CAPN12: variants seen among roughly 807,000 people sequenced by gnomAD.
CAPN12 encodes the protein calpain 12, also known as calpain-12.
A neutral mutation model predicts 95.0 loss-of-function variants in CAPN12; 107 were observed. The observed-to-expected ratio is 1.13, with a 90% CI of 0.96 to 1.32. The LOEUF is 1.32. Among genes scored for constraint, CAPN12 ranks in the 40% most tolerant of loss-of-function variants. The pLI is 0.00. For synonymous variants in CAPN12, 505 were observed against 415.5 expected (o/e 1.22, Z -2.62); for missense variants, 1,136 against 997.8 (o/e 1.14, Z -1.87).
At position 38,736,247 on chromosome 19, in the gene CAPN12, G is replaced by GGGCGAGCGGTC. The variant is rs1970132926; in HGVS notation, c.1435_1445dup (p.Leu483ThrfsTer11). On this transcript the variant is annotated frameshift_variant, in exon 12 of 21. Coordinates refer to ENST00000328867, the MANE Select transcript of CAPN12 (RefSeq NM_144691.4). LOFTEE classifies it high-confidence loss of function. Reference sequence around the variant, plus strand: ...GGGTCACGTCGCGGCGGGCGCTGAGGGGCGAGCGGTCGGCGCGCAGCAGCC... The same window carrying GGGCGAGCGGTC: ...GGGTCACGTCGCGGCGGGCGCTGAGGGGCGAGCGGTCGGCGAGCGGTCGGCGCGCAGCAGCC... 2.0e-6 allele frequency: 3 copies of GGGCGAGCGGTC among 1,480,052 alleles called. No homozygotes were observed. Among genetic ancestry groups the GGGCGAGCGGTC allele is most frequent in the East Asian group, 2.8e-5 (1 of 36,038 alleles). 91.7% of individuals were successfully genotyped at this position (1,480,052 alleles called of 1,614,324 possible). A position where few individuals can be genotyped will look rare whatever the true frequency, so the allele number is the denominator to read the frequency against.
At chr19:38,737,776 C>A (rs1238471373) in intron 8 of CAPN12, 138 bp from the exon 9 acceptor site, 10 of 1,184,224 alleles carry the variant, frequency 8.4e-6, no homozygotes, top group Middle Eastern at 2.1e-4. Flanking sequence ...GAAATGAACC[C>A]CAAATGCCTG....
Position 38,737,253 on chromosome 19 carries a change from G to A in CAPN12, c.1265C>T (p.Pro422Leu), listed in dbSNP as rs772231481. Residue 422 changes from proline to leucine, a missense_variant, in exon 10 of 21, where the codon CCC becomes CTC. Pro to Leu is a moderately conservative substitution (Grantham distance 98, BLOSUM62 -3). Coordinates refer to ENST00000328867, the MANE Select transcript of CAPN12 (RefSeq NM_144691.4). The stretch of plus-strand genomic sequence containing the variant: ...GAGGGACAGAAGGACCGTGCACTTG[G>A]GCGTGCGGCCCCCCCGCGCTGGGCC... ...ARGPARGGRT[P>L]KCTVLLSLIQ... is the part of the protein sequence containing the mutation. The A allele has an allele frequency of 3.2e-6, 5 of 1,549,958 alleles. No homozygotes were observed. The South Asian group carries it at 4.8e-5, about 15-fold the overall frequency.
intron 2 of CAPN12, among the ~76,000 whole-genome samples, 176 bp downstream of exon 2, chr19:38,742,850 CAAAAAAA>C (rs11406594): frequency 3.8e-5 from 2 of 53,306 alleles, no homozygotes; most frequent in Non-Finnish European, 6.1e-5. Context: ...GACCCCATCT[CAAAAAAA>C]AAAAAAAAAA....
chr19:38,736,481 AGGGCAGGTTGACCAAGCCCCAG>A, intron 11 of CAPN12, 49 bp downstream of exon 11: 1 of 467,958 alleles, frequency 2.1e-6, no homozygotes. Context: ...ACCAAGCCCC[AGGGCAGGTTGACCAAGCCCCAG>A]GGCAGGTTGA....
rs778747672 is a variant in CAPN12, at chr19:38,737,579, G to A, written c.1025C>T (p.Pro342Leu). 4.2e-5 allele frequency: 68 copies of A among 1,612,120 alleles called. No individual in the cohort carries two copies. In the Middle Eastern group the frequency reaches 6.6e-4, roughly 16 times the overall value. The change falls in exon 9 of 21, where the codon CCG becomes CTG. Residue 342 changes from proline (P) to leucine (L), a missense_variant. Physicochemically the swap from Pro to Leu is moderately conservative, Grantham distance 98. Transcript: ENST00000328867. ...CTCCGGGCTGGGGCCCAGCACCTCCGGGCTCAGCGAGCAGATCTGCACGGT... is the reference window on the plus strand; with the variant it reads ...CTCCGGGCTGGGGCCCAGCACCTCCAGGCTCAGCGAGCAGATCTGCACGGT... ...FDTVQICSLS[P>L]EVLGPSPEGG...
rs759997563 is a variant in CAPN12 at position 38,731,199 on chromosome 19, G to A, written c.1982C>T (p.Thr661Ile). 3.7e-6 allele frequency: 6 copies of A among 1,612,702 alleles called. No homozygotes were observed. The East Asian group carries it at 1.3e-4, about 36-fold the overall frequency. The change falls in exon 19 of 21, where the codon ACC becomes ATC. Residue 661 changes from threonine to isoleucine, a missense_variant. By Grantham distance (89) the Thr-to-Ile change is moderately conservative. Transcript: ENST00000328867. ...AAGFHLNNQL[T>I]QTLTSRYRDS... ...CCGGTAGCGGCTGGTGAGGGTCTGGGTCAGCTGGTTGTTCAGGTGGAAGCC... is the reference window on the plus strand; with the variant it reads ...CCGGTAGCGGCTGGTGAGGGTCTGGATCAGCTGGTTGTTCAGGTGGAAGCC...
intron 10 of CAPN12, 87 bp from the exon 11 acceptor site, chr19:38,736,650 GCT>G (rs1970194485): frequency 1.4e-6 from 2 of 1,435,072 alleles, no homozygotes; most frequent in Admixed American, 4.3e-5. Context: ...TCACCTCTGT[GCT>G]CTCTCCCTCC....
At position 38,737,319 on chromosome 19, in the gene CAPN12, T is replaced by G; in HGVS notation, c.1199A>C (p.Glu400Ala). The G allele has an allele frequency of 7.7e-7, 1 of 1,291,340 alleles. No homozygotes were observed. Among genetic ancestry groups the G allele is most frequent in the Non-Finnish European group, 1.0e-6 (1 of 983,996 alleles). The allele number at this position is 1,291,340 out of a possible 1,614,324, so 80.0% of individuals were successfully genotyped here. A position where few individuals can be genotyped will look rare whatever the true frequency, so the allele number is the denominator to read the frequency against. The change falls in exon 10 of 21, where the codon GAG becomes GCG. Residue 400 changes from glutamate to alanine, a missense_variant. Glu to Ala is a moderately radical substitution (Grantham distance 107). Transcript: ENST00000328867. ...LEPDEEDDED[E>A]EGPWGGWGAA... Reference sequence around the variant, plus strand: ...CCCCCAGCCCCCCCAGGGCCCTTCCTCATCCTCGTCATCCTCCTCATCAGG... The same window carrying G: ...CCCCCAGCCCCCCCAGGGCCCTTCCGCATCCTCGTCATCCTCCTCATCAGG...
intron 18 of CAPN12, chr19:38,733,103 C>CT (rs1172061885): frequency 0.19 from 26,509 of 136,238 alleles, 2,996 homozygotes; most frequent in Middle Eastern, 0.37. Flanking sequence ...TGTGTACTAG[C>CT]TTTTTTTTTT....
intron 10 of CAPN12, 68 bp from the exon 11 acceptor site, chr19:38,736,631 T>G: frequency 7.3e-7 from 1 of 1,372,418 alleles, no homozygotes; most frequent in Non-Finnish European, 9.9e-7. Flanking sequence ...GTCTCCTCCC[T>G]GCCCCTTCTC....
intron 17 of CAPN12, 141 bp from the exon 18 acceptor site, chr19:38,733,922 G>T: frequency 1.2e-6 from 1 of 807,278 alleles, no homozygotes; most frequent in Non-Finnish European, 2.0e-6. Flanking sequence ...CTAGCCACTT[G>T]GGACTTCTGT....
At position 38,738,270 on chromosome 19, in the gene CAPN12, G is replaced by A. The variant is rs1180399965; in HGVS notation, c.965+3C>T. The A allele has an allele frequency of 5.0e-6, 8 of 1,611,934 alleles. No individual in the cohort carries two copies. Among genetic ancestry groups the A allele is most frequent in the South Asian group, 2.2e-5 (2 of 90,974 alleles). ...GGCAGAGCTGGGACCCTGACGAACT[G>A]ACCAGAACTCGCCATCCTCCTTTTT... is the stretch of plus-strand genomic sequence containing the variant. On this transcript the variant is annotated splice_donor_region_variant and intron_variant, in intron 8 of 20. Coordinates refer to ENST00000328867, the MANE Select transcript of CAPN12 (RefSeq NM_144691.4).
At chr19:38,743,875 C>A in intron 1 of CAPN12, 54 bp downstream of exon 1, 1 of 1,527,568 alleles carries the variant, frequency 6.5e-7, no homozygotes, top group Non-Finnish European at 9.0e-7. Context: ...GGAGTCCATG[C>A]CTCCAGCCCC....
At chr19:38,734,658 G>T in intron 15 of CAPN12, 155 bp downstream of exon 15, 1 of 704,570 alleles carries the variant, frequency 1.4e-6, no homozygotes, top group Non-Finnish European at 2.3e-6. Context: ...GCCCACACAA[G>T]ATCCCCTGCA....
In CAPN12 at chr19:38,738,437, T is replaced by C; in HGVS notation, c.871A>G (p.Thr291Ala). 1 of 1,609,986 alleles carries C rather than the reference T, an allele frequency of 6.2e-7. No homozygotes were observed. The highest frequency in any genetic ancestry group is 8.5e-7 in the Non-Finnish European group (1 of 1,178,206). The change falls in exon 7 of 21, where the codon ACG becomes GCG. Residue 291 changes from threonine to alanine, a missense_variant. Thr to Ala is a moderately conservative substitution (Grantham distance 58). Transcript: ENST00000328867. ...TCCCACCTGTCGCTCCAGGCCCCCG[T>C]CCACTCCACGCAGCCCCATGGGTTC... ...LRNPWGCVEW[T>A]GAWSDSCPRW...
chr19:38,736,339 C>T, intron 11 of CAPN12, 21 bp from the exon 12 acceptor site: 1 of 1,455,462 alleles, frequency 6.9e-7, no homozygotes, highest in Non-Finnish European at 9.1e-7. Flanking sequence ...GGCGGCATGA[C>T]CACGGACCAG....
At chr19:38,740,971 C>T (rs1970512502) in intron 4 of CAPN12, among the ~76,000 whole-genome samples, 1 of 151,998 alleles carries the variant, frequency 6.6e-6, no homozygotes, top group Admixed American at 6.6e-5. Flanking sequence ...AACCTTGAAC[C>T]TCTGGTAGAT....
In CAPN12 at chr19:38,737,217, T is replaced by C. The variant is rs1970253101; in HGVS notation, c.1301A>G (p.Asn434Ser). ...CTVLLSLIQR[N>S]RRRLRAKGLT... ...GCCCTTGGCTCTCAGGCGCCGCCGG[T>C]TGCGCTGGATGAGGGACAGAAGGAC... is the stretch of plus-strand genomic sequence containing the variant. Residue 434 changes from asparagine to serine, a missense_variant, in exon 10 of 21, where the codon AAC becomes AGC. Asn to Ser is a conservative substitution (Grantham distance 46). Coordinates refer to ENST00000328867, the MANE Select transcript of CAPN12 (RefSeq NM_144691.4). The C allele has an allele frequency of 2.6e-6, 4 of 1,550,200 alleles. No homozygotes were observed. The highest frequency in any genetic ancestry group is 3.5e-6 in the Non-Finnish European group (4 of 1,148,160).
intron 17 of CAPN12, 36 bp from the exon 18 acceptor site, chr19:38,733,817 G>T (rs1403935367): frequency 1.3e-6 from 2 of 1,554,998 alleles, no homozygotes; most frequent in Admixed American, 3.3e-5. Context: ...TGCCCTCCAT[G>T]CCCTGAAGAG....
Sources: allele counts gnomAD v4.1 joint callset (sites outside exome capture counted in the v4.1 genomes callset), GRCh38; gene constraint gnomAD v4.1.1; transcripts MANE v1.5; gene names NCBI Gene and HGNC (gene_info 2026-07-23, HGNC 2026-07-21).